Variants in TGFBR2 observed in about 807,000 individuals in gnomAD.
The protein encoded by TGFBR2 is TGF-beta receptor type-2.
In TGFBR2, 18 loss-of-function variants were observed where a neutral mutation model predicts 49.0. That is an observed-to-expected ratio of 0.37 (90% confidence interval 0.25 to 0.54). TGFBR2 has a LOEUF of 0.54. Ranked by LOEUF, TGFBR2 falls within the 20% of genes least tolerant of loss-of-function variation. The probability of loss-of-function intolerance (pLI) is 0.85; values close to 1 mark genes in which losing one functional copy is unlikely to be tolerated. For synonymous variants in TGFBR2, 282 were observed against 275.9 expected, an observed-to-expected ratio of 1.02 and a Z score of -0.22; for missense variants, 525 against 722.6, an observed-to-expected ratio of 0.73 and a Z score of 3.13.
At chr3:30,607,057 C>T in intron 1 of TGFBR2, 80 bp downstream of exon 1, 2 of 1,282,622 alleles carry the variant, frequency 1.6e-6, no homozygotes, top group South Asian at 2.7e-5. Context: ...GCTTGACAGT[C>T]GGGCCCGGCA....
At chr3:30,650,492 TGAGA>T (rs747036589) in intron 3 of TGFBR2, 32 bp downstream of exon 3, 10 of 1,610,990 alleles carry the variant, frequency 6.2e-6, no homozygotes, top group Non-Finnish European at 8.5e-6. Context: ...GTGTGGGACC[TGAGA>T]TCTGTGCCAA....
At chr3:30,666,744 A>G (rs972555016) in intron 3 of TGFBR2, among the ~76,000 whole-genome samples, 2 of 150,494 alleles carry the variant, frequency 1.3e-5, no homozygotes, top group African/African-American at 4.9e-5. Flanking sequence ...CAAGTAAAGT[A>G]ATCCTCCTGC....
chr3:30,654,501 G>A (rs1698959334), intron 3 of TGFBR2, among the ~76,000 whole-genome samples: 1 of 152,180 alleles, frequency 6.6e-6, no homozygotes, highest in Admixed American at 6.5e-5. Context: ...CTGCACAACT[G>A]TTCTCTCACA....
At chr3:30,639,158 A>C (rs1454300283) in intron 1 of TGFBR2, among the ~76,000 whole-genome samples, 1 of 152,148 alleles carries the variant, frequency 6.6e-6, no homozygotes, top group East Asian at 1.9e-4. Flanking sequence ...ACAATTATTA[A>C]AAACTGGGTT....
Position 30,606,853 on chromosome 3 carries a change from G to T in TGFBR2, c.-31G>T. 7.2e-7 allele frequency: 1 copy of T among 1,388,162 alleles called. No homozygotes were observed. Among genetic ancestry groups the T allele is most frequent in the Non-Finnish European group, 9.5e-7 (1 of 1,047,800 alleles). The allele number at this position is 1,388,162 out of a possible 1,614,324, so 86.0% of individuals were successfully genotyped here. A position where few individuals can be genotyped will look rare whatever the true frequency, so the allele number is the denominator to read the frequency against. On this transcript the variant is annotated 5_prime_UTR_variant, in exon 1 of 7. Transcript: ENST00000295754. The stretch of plus-strand genomic sequence containing the variant: ...GAAGGCGCCGTCCGCTGCGCTGGGG[G>T]CTCGGTCTATGACGAGCAGCGGGGT...
chr3:30,677,713 G>A (rs1699465198), intron 5 of TGFBR2, among the ~76,000 whole-genome samples: 2 of 152,132 alleles, frequency 1.3e-5, no homozygotes, highest in South Asian at 4.1e-4. Flanking sequence ...GAAGACAGAT[G>A]GATTCCCTCC....
chr3:30,657,963 T>G (rs1699038907), intron 3 of TGFBR2, among the ~76,000 whole-genome samples: 1 of 152,230 alleles, frequency 6.6e-6, no homozygotes, highest in Non-Finnish European at 1.5e-5. Flanking sequence ...CCTCTGATCT[T>G]AAGGACACTT....
rs921492465 is a variant in TGFBR2, at chr3:30,629,443, C to T, written c.95-15304C>T. Among the ~76,000 whole-genome samples the T allele has an allele frequency of 2.6e-5, 4 of 152,164 alleles. No homozygotes were observed. In the South Asian group the frequency reaches 8.3e-4, roughly 32 times the overall value. On this transcript the variant is annotated intron_variant, in intron 1 of 6. Coordinates refer to ENST00000295754, the MANE Select transcript of TGFBR2 (RefSeq NM_003242.6). ...CTTCAGAACTGACTTCCTTTTATTG[C>T]TAAGTTAGACAGGCTAGGCCTTGAG... is the stretch of plus-strand genomic sequence containing the variant.
intron 4 of TGFBR2, 98 bp from the exon 5 acceptor site, chr3:30,674,007 A>G: frequency 6.9e-7 from 1 of 1,454,554 alleles, no homozygotes; most frequent in Non-Finnish European, 9.6e-7. Flanking sequence ...TTTTAAAAAA[A>G]TCCTCTGCAC....
At chr3:30,611,250 A>G (rs1698024528) in intron 1 of TGFBR2, among the ~76,000 whole-genome samples, 1 of 152,204 alleles carries the variant, frequency 6.6e-6, no homozygotes, top group Admixed American at 6.5e-5. Flanking sequence ...ATCCTACTGT[A>G]TCTAATGCAA....
intron 1 of TGFBR2, among the ~76,000 whole-genome samples, chr3:30,628,765 G>A (rs1481127535): frequency 1.3e-5 from 2 of 151,986 alleles, no homozygotes; most frequent in Non-Finnish European, 2.9e-5. Flanking sequence ...AGCCTTTACA[G>A]GTTTCAGCTT....
At chr3:30,651,811 C>T (rs1001646754) in intron 3 of TGFBR2, among the ~76,000 whole-genome samples, 4 of 152,288 alleles carry the variant, frequency 2.6e-5, no homozygotes, top group Non-Finnish European at 5.9e-5. Context: ...TATGGATTTC[C>T]GTGTACCTTC....
rs886058326 is a variant in TGFBR2, at chr3:30,693,931, A to C, written c.*2332A>C. The C allele has an allele frequency of 4.3e-6, 1 of 231,306 alleles. No individual in the cohort carries two copies. Among genetic ancestry groups the C allele is most frequent in the Middle Eastern group, 1.3e-3 (1 of 776 alleles). 14.3% of individuals were successfully genotyped at this position (231,306 alleles called of 1,614,324 possible). ...TTTTCACTACTATACATAAAGGGAA[A>C]GTTTTATTCTTTTATGGAACACTTC... On this transcript the variant is annotated 3_prime_UTR_variant, in exon 7 of 7. Transcript: ENST00000295754.
intron 1 of TGFBR2, among the ~76,000 whole-genome samples, chr3:30,624,587 GC>G (rs1160683219): frequency 2.0e-5 from 3 of 151,488 alleles, no homozygotes; most frequent in Non-Finnish European, 4.4e-5. Flanking sequence ...CTGCACTCCA[GC>G]CTGGCGACAG....
intron 3 of TGFBR2, among the ~76,000 whole-genome samples, chr3:30,651,748 T>A (rs1698890960): frequency 6.6e-6 from 1 of 152,226 alleles, no homozygotes; most frequent in African/African-American, 2.4e-5. Flanking sequence ...ATGTGTATTT[T>A]AAATTTGAAT....
intron 2 of TGFBR2, among the ~76,000 whole-genome samples, chr3:30,645,287 G>A (rs1698710356): frequency 6.6e-6 from 1 of 152,090 alleles, no homozygotes; most frequent in African/African-American, 2.4e-5. Context: ...CAGGAGCTTT[G>A]TTCTCTTGAG....
rs79375991 is a variant in TGFBR2, at chr3:30,650,379, G to GA, written c.383dup (p.Pro129AlafsTer3). The GA allele has an allele frequency of 1.3e-4, 196 of 1,515,736 alleles. No homozygotes were observed. The highest frequency in any genetic ancestry group is 3.5e-4 in the Middle Eastern group (2 of 5,762). The allele number at this position is 1,515,736 out of a possible 1,614,324, so 93.9% of individuals were successfully genotyped here. A position where few individuals can be genotyped will look rare whatever the true frequency, so the allele number is the denominator to read the frequency against. Reference sequence around the variant, plus strand: ...TGCTTCTCCAAAGTGCATTATGAAGGAAAAAAAAAAGCCTGGTGAGACTTT... The same window carrying GA: ...TGCTTCTCCAAAGTGCATTATGAAGGAAAAAAAAAAAGCCTGGTGAGACTTT... On this transcript the variant is annotated frameshift_variant, in exon 3 of 7. Transcript: ENST00000295754. LOFTEE classifies it high-confidence loss of function.
At position 30,628,532 on chromosome 3, in the gene TGFBR2, T is replaced by G. The variant is rs1338285806; in HGVS notation, c.95-16215T>G. Among the ~76,000 whole-genome samples the G allele has an allele frequency of 4.9e-5, 7 of 141,600 alleles. No individual in the cohort carries two copies. The Admixed American group carries it at 5.1e-4, about 10-fold the overall frequency. The allele number at this position is 141,600 out of a possible 152,430, so 92.9% of individuals were successfully genotyped here. ...AGCCTTTGAAAAAGCCTGTGGGTTT[T>G]TTTTTTTTTTTTTTTTTTTTTCTCT... is the stretch of plus-strand genomic sequence containing the variant. On this transcript the variant is annotated intron_variant, in intron 1 of 6. Transcript: ENST00000295754.
chr3:30,638,491 G>T (rs1040300700), intron 1 of TGFBR2, among the ~76,000 whole-genome samples: 18 of 152,088 alleles, frequency 1.2e-4, no homozygotes, highest in Non-Finnish European at 2.4e-4. Flanking sequence ...GAGACCATGT[G>T]GACTGTCAGT....
Sources: gnomAD v4.1 joint callset for allele counts (sites outside exome capture counted in the v4.1 genomes callset) on GRCh38, gnomAD v4.1.1 for gene constraint, MANE v1.5 for transcripts, NCBI Gene and HGNC (gene_info 2026-07-23, HGNC 2026-07-21) for gene names.